NIBAN2: variants seen among roughly 807,000 people sequenced by gnomAD.
NIBAN2 encodes niban apoptosis regulator 2, also known as protein Niban 2.
NIBAN2 carries 36 observed loss-of-function variants against 81.8 expected under a neutral mutation model. That is an observed-to-expected ratio of 0.44 (90% CI 0.34 to 0.58). The LOEUF is 0.58. NIBAN2 is among the 20% of genes least tolerant of loss of function. The probability of loss-of-function intolerance (pLI) is 0.02; values close to 1 mark genes in which losing one functional copy is unlikely to be tolerated. For synonymous variants in NIBAN2, 445 were observed against 441.6 expected (o/e 1.01, Z -0.10); for missense variants, 897 against 1,014.1 (o/e 0.88, Z 1.57).
intron 1 of NIBAN2, among the ~76,000 whole-genome samples, chr9:127,540,136 C>T (rs1176110427): frequency 6.6e-6 from 1 of 152,172 alleles, no homozygotes; most frequent in African/African-American, 2.4e-5. Context: ...GGGACCAGCT[C>T]CAACAGCAGC....
chr9:127,533,335 T>C lies in NIBAN2; in HGVS notation c.56-1557A>G, dbSNP rs111709904. Among the ~76,000 whole-genome samples the C allele has an allele frequency of 5.0e-3, 754 of 152,312 alleles. 8 individuals carry two copies. Among genetic ancestry groups the C allele is most frequent in the East Asian group, 0.047 (245 of 5,180 alleles). On this transcript the variant is annotated intron_variant, in intron 1 of 13. Transcript: ENST00000373312. ...AGCCAGGCATGGTGGCGGGCGCCTG[T>C]AGTCCCAGCTACTCGGGAGGCTGAG...
chr9:127,519,250 A>AT (rs1281553247), intron 5 of NIBAN2, among the ~76,000 whole-genome samples: 1 of 151,868 alleles, frequency 6.6e-6, no homozygotes, highest in South Asian at 2.1e-4. Flanking sequence ...CCATTTCTGA[A>AT]TTTTTGTCAC....
intron 8 of NIBAN2, among the ~76,000 whole-genome samples, chr9:127,514,777 C>A (rs966859005): frequency 6.6e-6 from 1 of 152,212 alleles, no homozygotes; most frequent in African/African-American, 2.4e-5. Flanking sequence ...CCCATCCCAG[C>A]CCAGCTAACG....
chr9:127,522,583 C>CT (rs554461351), intron 5 of NIBAN2, among the ~76,000 whole-genome samples: 1 of 152,092 alleles, frequency 6.6e-6, no homozygotes, highest in Non-Finnish European at 1.5e-5. Context: ...AGAGGCCCCC[C>CT]TCCAGCCCCA....
chr9:127,524,360 C>T (rs1251839352), intron 4 of NIBAN2, among the ~76,000 whole-genome samples: 1 of 152,174 alleles, frequency 6.6e-6, no homozygotes, highest in African/African-American at 2.4e-5. Flanking sequence ...GGGCTGTGAC[C>T]CTGCCACTGT....
rs114204009 is a variant in NIBAN2, at chr9:127,561,350, C to T, written c.55+7470G>A. On this transcript the variant is annotated intron_variant, in intron 1 of 13. Transcript: ENST00000373312. ...GGGGATGCACGAGGCCACAGACAGACCAGACACATCTCCCTGGGTGTCAAG... is the reference window on the plus strand; with the variant it reads ...GGGGATGCACGAGGCCACAGACAGATCAGACACATCTCCCTGGGTGTCAAG... 2.2e-4 allele frequency: 200 copies of T among 913,604 alleles called. 1 individual carries two copies. In the African/African-American group the frequency reaches 3.3e-3, roughly 15 times the overall value. The allele number at this position is 913,604 out of a possible 1,614,324, so 56.6% of individuals were successfully genotyped here.
rs888532098 is a variant in NIBAN2 at position 127,505,993 on chromosome 9, C to T, written c.*852G>A. 6 of 152,674 alleles carry T rather than the reference C, an allele frequency of 3.9e-5. No homozygotes were observed. The highest frequency in any genetic ancestry group is 7.2e-5 in the African/African-American group (3 of 41,530). The allele number at this position is 152,674 out of a possible 1,614,324, so 9.5% of individuals were successfully genotyped here. ...CCAGCCCCATTACACCCCTTGCTGC[C>T]GCTCCATCCCCAACCACCAGAGGGA... On this transcript the variant is annotated 3_prime_UTR_variant, in exon 14 of 14. Coordinates refer to ENST00000373312, the MANE Select transcript of NIBAN2 (RefSeq NM_022833.4).
At position 127,506,437 on chromosome 9, in the gene NIBAN2, G is replaced by T; in HGVS notation, c.*408C>A. ...TGCTCCCTCTCCCGGTCCTGGCCCAGCCAGCTCCTGGGTGAGTGGGCGGGA... is the reference window on the plus strand; with the variant it reads ...TGCTCCCTCTCCCGGTCCTGGCCCATCCAGCTCCTGGGTGAGTGGGCGGGA... On this transcript the variant is annotated 3_prime_UTR_variant, in exon 14 of 14. Coordinates refer to ENST00000373312, the MANE Select transcript of NIBAN2 (RefSeq NM_022833.4). 6.1e-6 allele frequency: 1 copy of T among 163,220 alleles called. No individual in the cohort carries two copies. The highest frequency in any genetic ancestry group is 1.3e-5 in the Non-Finnish European group (1 of 75,728). The allele number at this position is 163,220 out of a possible 1,614,324, so 10.1% of individuals were successfully genotyped here.
chr9:127,574,724 T>A (rs986281188), intron 1 of NIBAN2, among the ~76,000 whole-genome samples: 2 of 152,146 alleles, frequency 1.3e-5, no homozygotes, highest in Non-Finnish European at 2.9e-5. Flanking sequence ...AGGATTTTGT[T>A]TTTAAGGAAT....
In NIBAN2 at chr9:127,507,155, G is replaced by A. The variant is rs762228282; in HGVS notation, c.1931C>T (p.Pro644Leu). Residue 644 changes from proline to leucine, a missense_variant, in exon 14 of 14, where the codon CCT (proline) becomes CTT (leucine). Pro to Leu is a moderately conservative substitution (Grantham distance 98). This residue lies in a region of NIBAN2 where 619 missense variants were observed against 691.0 expected (regional missense o/e 0.90). Coordinates refer to ENST00000373312, the MANE Select transcript of NIBAN2 (RefSeq NM_022833.4). This position sits in a 1 kb window ranked among gnomAD's most constrained non-coding sequence, Gnocchi z 6.8. ...PFEASPESPP[P>L]ASPDGVTEIR... ...CTCAGTGACACCGTCCGGGGACGCA[G>A]GTGGTGGTGACTCAGGGCTAGCCTC... is the stretch of plus-strand genomic sequence containing the variant. 89 of 1,610,024 alleles carry A rather than the reference G, an allele frequency of 5.5e-5. No individual in the cohort carries two copies. The highest frequency in any genetic ancestry group is 8.4e-5 in the Admixed American group (5 of 59,486).
chr9:127,523,198 T>A (rs1297998245), intron 5 of NIBAN2, among the ~76,000 whole-genome samples: 4,226 of 7,778 alleles, frequency 0.54, 1,212 homozygotes, highest in African/African-American at 0.62. Flanking sequence ...AAAAAATATA[T>A]ATATATATAT....
chr9:127,511,907 C>A (rs1376696632), intron 8 of NIBAN2, among the ~76,000 whole-genome samples: 1 of 152,260 alleles, frequency 6.6e-6, no homozygotes, highest in South Asian at 2.1e-4. Context: ...CCACGTCACC[C>A]CAGTTAAAAT....
At chr9:127,566,486 GA>G (rs1345575229) in intron 1 of NIBAN2, among the ~76,000 whole-genome samples, 1 of 152,188 alleles carries the variant, frequency 6.6e-6, no homozygotes, top group Admixed American at 6.5e-5. Flanking sequence ...ATCCCAGGAT[GA>G]AAGGTGCCGT....
At position 127,569,068 on chromosome 9, in the gene NIBAN2, C is replaced by A. The variant is rs1351327275; in HGVS notation, c.-194G>T. On this transcript the variant is annotated 5_prime_UTR_variant, in exon 1 of 14. Coordinates refer to ENST00000373312, the MANE Select transcript of NIBAN2 (RefSeq NM_022833.4). ...GTCGGGCCCCGTCCCTCCAGCCGGC[C>A]GCCTTGGCCCCCTCCCTGCCCTCGG... 9.3e-7 allele frequency: 1 copy of A among 1,073,110 alleles called. No individual in the cohort carries two copies. The highest frequency in any genetic ancestry group is 1.7e-5 in the African/African-American group (1 of 59,084). 66.5% of individuals were successfully genotyped at this position (1,073,110 alleles called of 1,614,324 possible).
intron 1 of NIBAN2, among the ~76,000 whole-genome samples, chr9:127,535,990 G>A (rs978074069): frequency 2.0e-5 from 3 of 152,120 alleles, no homozygotes; most frequent in Admixed American, 1.3e-4. Flanking sequence ...CCTTAAGGAC[G>A]GAGCCCAGGC....
intron 1 of NIBAN2, among the ~76,000 whole-genome samples, chr9:127,575,036 C>T (rs539954141): frequency 7.9e-5 from 12 of 152,202 alleles, no homozygotes; most frequent in African/African-American, 2.9e-4. Context: ...AACACAGATA[C>T]GACCTTGCCA....
In NIBAN2 at chr9:127,523,248, T is replaced by C. The variant is rs1271849699; in HGVS notation, c.589+431A>G. 1.6e-3 allele frequency among the ~76,000 whole-genome samples: 103 copies of C among 65,412 alleles called. 6 individuals carry two copies. The highest frequency in any genetic ancestry group is 5.1e-3 in the South Asian group (8 of 1,574). The allele number at this position is 65,412 out of a possible 152,430, so 42.9% of individuals were successfully genotyped here. A position where few individuals can be genotyped will look rare whatever the true frequency, so the allele number is the denominator to read the frequency against. ...ATATATATATATATATATATATATA[T>C]ATATAAAATTAAAAAAAAAATCTTT... On this transcript the variant is annotated intron_variant, in intron 5 of 13. Coordinates refer to ENST00000373312, the MANE Select transcript of NIBAN2 (RefSeq NM_022833.4).
chr9:127,560,056 C>A (rs1021305143), intron 1 of NIBAN2, among the ~76,000 whole-genome samples: 1 of 152,182 alleles, frequency 6.6e-6, no homozygotes, highest in Non-Finnish European at 1.5e-5. Flanking sequence ...CATCTCAAAC[C>A]AGGTCCTCTG....
Position 127,562,023 on chromosome 9 carries a change from G to A in NIBAN2, c.55+6797C>T, listed in dbSNP as rs1837782574. On this transcript the variant is annotated intron_variant, in intron 1 of 13. Transcript: ENST00000373312. ...GATGCTTGCAGGAGCCCGGGGTGCA[G>A]TGAGTCATGAGCTCTGCCCGCGGGG... 2.6e-5 allele frequency among the ~76,000 whole-genome samples: 4 copies of A among 152,340 alleles called. No individual in the cohort carries two copies. In the South Asian group the frequency reaches 8.3e-4, roughly 32 times the overall value.
Sources: allele counts gnomAD v4.1 joint callset (sites outside exome capture counted in the v4.1 genomes callset), GRCh38; gene constraint gnomAD v4.1.1; regional missense constraint gnomAD v4.1.1; non-coding constraint Gnocchi (gnomAD v3.1); transcripts MANE v1.5; gene names NCBI Gene and HGNC (gene_info 2026-07-23, HGNC 2026-07-21).